MYO5B: variants seen among roughly 807,000 people sequenced by gnomAD.
MYO5B encodes unconventional myosin-Vb.
Under a neutral mutation model 229.3 loss-of-function variants are expected in MYO5B, and 143 were observed. The ratio of observed to expected loss-of-function variants is 0.62; its 90% confidence interval spans 0.54 to 0.72. MYO5B has a LOEUF of 0.72. Among genes scored for constraint, MYO5B ranks in the 30% least tolerant of loss-of-function variants. MYO5B has a pLI of 0.00. For synonymous variants in MYO5B, 918 were observed against 885.2 expected, an observed-to-expected ratio of 1.04 and a Z score of -0.66; for missense variants, 2,321 against 2,331.0, an observed-to-expected ratio of 1.00 and a Z score of 0.09.
intron 1 of MYO5B, among the ~76,000 whole-genome samples, chr18:50,063,219 G>A (rs546723983): frequency 4.7e-4 from 71 of 152,104 alleles, no homozygotes; most frequent in Middle Eastern, 3.2e-3. Flanking sequence ...CCCCAGCGGC[G>A]AGCCATGCTT....
At chr18:49,962,568 G>T (rs746025324) in intron 11 of MYO5B, among the ~76,000 whole-genome samples, 162 bp from the exon 12 acceptor site, 6 of 152,202 alleles carry the variant, frequency 3.9e-5, no homozygotes, top group Non-Finnish European at 8.8e-5. Context: ...GCAAAGCACA[G>T]TTAGGCGATT....
At chr18:50,059,542 T>C (rs1469644988) in intron 1 of MYO5B, among the ~76,000 whole-genome samples, 1 of 152,210 alleles carries the variant, frequency 6.6e-6, no homozygotes, top group Non-Finnish European at 1.5e-5. Context: ...AAGCTTTAGA[T>C]GCAAATCTAG....
chr18:49,954,449 A>C lies in MYO5B; in HGVS notation c.1546-14T>G. On this transcript the variant is annotated splice_polypyrimidine_tract_variant and intron_variant, in intron 12 of 39. Transcript: ENST00000285039. The stretch of plus-strand genomic sequence containing the variant: ...TCCTTTGGGGACCTGCAGAACCACA[A>C]GATAGGGCAGAGCGCTTTGTGAAGA... 6 of 1,613,810 alleles carry C rather than the reference A, an allele frequency of 3.7e-6. No individual in the cohort carries two copies. The highest frequency in any genetic ancestry group is 5.1e-6 in the Non-Finnish European group (6 of 1,179,832).
At chr18:49,879,787 G>C (rs1018271872) in intron 23 of MYO5B, among the ~76,000 whole-genome samples, 1 of 152,202 alleles carries the variant, frequency 6.6e-6, no homozygotes, top group Non-Finnish European at 1.5e-5. Context: ...CATGGGGACT[G>C]ATGGCAGCCC....
At chr18:49,936,106 C>T (rs1242973336) in intron 16 of MYO5B, 146 bp downstream of exon 16, 1 of 731,302 alleles carries the variant, frequency 1.4e-6, no homozygotes, top group Admixed American at 2.1e-5. Context: ...GTCAGTCTGT[C>T]TGCAGCAAGT....
intron 4 of MYO5B, among the ~76,000 whole-genome samples, chr18:50,028,707 T>C (rs958906009): frequency 6.6e-6 from 1 of 152,360 alleles, no homozygotes; most frequent in African/African-American, 2.4e-5. Context: ...CTGGGAATGG[T>C]AGGGCAGCAT....
chr18:50,113,275 C>G lies in MYO5B; in HGVS notation c.28-57897G>C, dbSNP rs1210520750. ...CCCTGCCCTCAGGAAGCTTCGCATCCTAAAGCAGTATCAAGGGGTGCTTTG... is the reference window on the plus strand; with the variant it reads ...CCCTGCCCTCAGGAAGCTTCGCATCGTAAAGCAGTATCAAGGGGTGCTTTG... On this transcript the variant is annotated intron_variant, in intron 1 of 39. Transcript: ENST00000285039. Among the ~76,000 whole-genome samples the G allele has an allele frequency of 2.0e-5, 3 of 152,336 alleles. No homozygotes were observed. The East Asian group carries it at 5.8e-4, about 29-fold the overall frequency.
At chr18:50,027,398 C>G (rs570212009) in intron 4 of MYO5B, among the ~76,000 whole-genome samples, 1 of 152,124 alleles carries the variant, frequency 6.6e-6, no homozygotes, top group Non-Finnish European at 1.5e-5. Context: ...AATACTTGAG[C>G]CCATTTATGC....
chr18:49,851,046 A>G (rs544665), intron 31 of MYO5B: 100,953 of 152,148 alleles, frequency 0.66, 33,802 homozygotes, highest in Admixed American at 0.77. Context: ...AGCATTTCTT[A>G]TGTCTTTTCC....
At chr18:49,990,364 G>C in intron 7 of MYO5B, 75 bp downstream of exon 7, 1 of 1,285,470 alleles carries the variant, frequency 7.8e-7, no homozygotes, top group East Asian at 2.3e-5. Context: ...GGAGGGCTTT[G>C]AGCAGAGCCC....
chr18:50,115,070 T>A (rs2144522287), intron 1 of MYO5B, among the ~76,000 whole-genome samples: 1 of 152,340 alleles, frequency 6.6e-6, no homozygotes, highest in South Asian at 2.1e-4. Flanking sequence ...CAGTGCTGAA[T>A]CTCAGTTTGC....
At chr18:50,159,975 C>A (rs2032740380) in intron 1 of MYO5B, among the ~76,000 whole-genome samples, 2 of 152,340 alleles carry the variant, frequency 1.3e-5, no homozygotes, top group East Asian at 3.9e-4. Context: ...AACAACGTAG[C>A]AACACTGGAT....
chr18:50,055,180 C>A (rs2030510897), intron 2 of MYO5B, 88 bp downstream of exon 2: 2 of 919,518 alleles, frequency 2.2e-6, no homozygotes, highest in Admixed American at 4.0e-5. Context: ...AACTCCAGCC[C>A]ACAATGTACT....
In MYO5B at chr18:50,195,120, C is replaced by A. The variant is rs1477320044; in HGVS notation, c.-327G>T. ...GAGGGAGGACCCGCTCGCGTCAGAGCGGACGGCCCGTGCGCCGCCGCGCCT... is the reference window on the plus strand; with the variant it reads ...GAGGGAGGACCCGCTCGCGTCAGAGAGGACGGCCCGTGCGCCGCCGCGCCT... On this transcript the variant is annotated 5_prime_UTR_variant, in exon 1 of 40. Transcript: ENST00000285039. 1.8e-5 allele frequency: 4 copies of A among 219,052 alleles called. No individual in the cohort carries two copies. The highest frequency in any genetic ancestry group is 3.6e-5 in the Non-Finnish European group (4 of 112,250). 13.6% of individuals were successfully genotyped at this position (219,052 alleles called of 1,614,324 possible).
At chr18:50,166,165 C>G (rs1240981071) in intron 1 of MYO5B, among the ~76,000 whole-genome samples, 1 of 152,198 alleles carries the variant, frequency 6.6e-6, no homozygotes, top group East Asian at 1.9e-4. Context: ...TCATATCAAG[C>G]CCTCAGGACT....
At chr18:49,904,598 C>A in intron 20 of MYO5B, 74 bp downstream of exon 20, 1 of 1,584,346 alleles carries the variant, frequency 6.3e-7, no homozygotes, top group Non-Finnish European at 8.7e-7. Context: ...CAGAGGTTCA[C>A]GTTGGCAGTA....
At position 49,974,779 on chromosome 18, in the gene MYO5B, T is replaced by TCACACACACACA. The variant is rs111420791; in HGVS notation, c.1057-176_1057-165dup. On this transcript the variant is annotated intron_variant, in intron 9 of 39. Coordinates refer to ENST00000285039, the MANE Select transcript of MYO5B (RefSeq NM_001080467.3). ...CCTGCTGCCAGCCCAGCAGTCTCTCTCACACACACACACACACAGACACAC... is the reference window on the plus strand; with the variant it reads ...CCTGCTGCCAGCCCAGCAGTCTCTCTCACACACACACACACACACACACACACACAGACACAC... 1.3e-3 allele frequency among the ~76,000 whole-genome samples: 148 copies of TCACACACACACA among 117,094 alleles called. 2 individuals carry two copies. The highest frequency in any genetic ancestry group is 3.0e-3 in the Admixed American group (33 of 11,032). The allele number at this position is 117,094 out of a possible 152,430, so 76.8% of individuals were successfully genotyped here. A position where few individuals can be genotyped will look rare whatever the true frequency, so the allele number is the denominator to read the frequency against.
At chr18:49,900,162 G>C (rs2024825153) in intron 21 of MYO5B, among the ~76,000 whole-genome samples, 1 of 152,226 alleles carries the variant, frequency 6.6e-6, no homozygotes, top group African/African-American at 2.4e-5. Flanking sequence ...CTGGCTGGAA[G>C]GTTAACTCAC....
At chr18:50,010,267 T>C (rs1214939146) in intron 4 of MYO5B, among the ~76,000 whole-genome samples, 3 of 152,180 alleles carry the variant, frequency 2.0e-5, no homozygotes, top group African/African-American at 7.2e-5. Flanking sequence ...TCAGGTGTAG[T>C]GTGATATAGG....
Sources: gnomAD v4.1 joint callset for allele counts (sites outside exome capture counted in the v4.1 genomes callset) on GRCh38, gnomAD v4.1.1 for gene constraint, MANE v1.5 for transcripts, NCBI Gene and HGNC (gene_info 2026-07-23, HGNC 2026-07-21) for gene names.